The following PRKD2 variants were observed in gnomAD, a reference collection of about 807,000 sequenced individuals.
PRKD2 encodes protein kinase D2.
In PRKD2, 22 loss-of-function variants were observed where a neutral mutation model predicts 86.0. That is an observed-to-expected ratio of 0.26 (90% CI 0.18 to 0.37). The LOEUF is 0.37. PRKD2 is among the 10% of genes least tolerant of loss of function. The pLI is 1.00. For synonymous variants in PRKD2, 509 were observed against 510.9 expected (o/e 1.00, Z 0.05); for missense variants, 818 against 1,199.2 (o/e 0.68, Z 4.70).
chr19:46,676,992 TG>T (rs1173539022), intron 16 of PRKD2: 3 of 143,090 alleles, frequency 2.1e-5, no homozygotes, highest in Non-Finnish European at 4.5e-5. Context: ...ACCCAAGAGG[TG>T]GAGGTTGCAG....
At chr19:46,684,787 A>G (rs1166325977) in intron 14 of PRKD2, among the ~76,000 whole-genome samples, 1 of 151,186 alleles carries the variant, frequency 6.6e-6, no homozygotes, top group East Asian at 2.0e-4. Flanking sequence ...ACATGGTGAA[A>G]CCCCATCTCT....
intron 6 of PRKD2, 25 bp from the exon 7 acceptor site, chr19:46,700,977 G>T: frequency 6.2e-7 from 1 of 1,614,170 alleles, no homozygotes. Flanking sequence ...GCATCAGAGG[G>T]GTCTCCACCC....
Position 46,678,715 on chromosome 19 carries a change from C to A in PRKD2, c.2071-52G>T. 6.5e-7 allele frequency: 1 copy of A among 1,548,306 alleles called. No homozygotes were observed. The highest frequency in any genetic ancestry group is 8.7e-7 in the Non-Finnish European group (1 of 1,146,182). On this transcript the variant is annotated intron_variant, in intron 15 of 17. Transcript: ENST00000291281. This position sits in a 1 kb window ranked among gnomAD's most constrained non-coding sequence, Gnocchi z 5.7. ...CACCAGGTGATGGAGCCGCACCCACCCCAGCATCCCCACCACACCACCCTC... is the reference window on the plus strand; with the variant it reads ...CACCAGGTGATGGAGCCGCACCCACACCAGCATCCCCACCACACCACCCTC...
chr19:46,710,678 C>G, intron 3 of PRKD2: 1 of 528,404 alleles, frequency 1.9e-6, no homozygotes, highest in Non-Finnish European at 3.3e-6. Context: ...CCTCCCAGCT[C>G]CACCTCCTAG....
chr19:46,696,985 G>A (rs1417790625), intron 9 of PRKD2, among the ~76,000 whole-genome samples, 172 bp downstream of exon 9: 5 of 151,890 alleles, frequency 3.3e-5, no homozygotes, highest in Non-Finnish European at 5.9e-5. Context: ...AAAGTGGTGG[G>A]GCCAGAATCG....
chr19:46,704,431 G>A, intron 4 of PRKD2, 40 bp from the exon 5 acceptor site: 1 of 1,613,804 alleles, frequency 6.2e-7, no homozygotes, highest in Non-Finnish European at 8.5e-7. Context: ...TCAGTGCGTT[G>A]GCCCCATGCC....
chr19:46,697,371 C>G (rs2053575629), intron 8 of PRKD2, 137 bp from the exon 9 acceptor site: 1 of 642,218 alleles, frequency 1.6e-6, no homozygotes, highest in Admixed American at 2.9e-5. Flanking sequence ...CACGCCGTAA[C>G]CCCACCCCAC....
intron 14 of PRKD2, among the ~76,000 whole-genome samples, chr19:46,688,445 T>TTA (rs2053433128): frequency 6.7e-6 from 1 of 149,014 alleles, no homozygotes. Context: ...TATTATTATT[T>TTA]TTTTTTTTGA....
chr19:46,697,381 C>T, intron 8 of PRKD2, 147 bp from the exon 9 acceptor site: 2 of 625,400 alleles, frequency 3.2e-6, no homozygotes, highest in South Asian at 3.9e-5. Context: ...CCCCACCCCA[C>T]CACACGCCCT....
chr19:46,696,243 G>A (rs1300214145), intron 9 of PRKD2, among the ~76,000 whole-genome samples: 1 of 152,148 alleles, frequency 6.6e-6, no homozygotes, highest in Non-Finnish European at 1.5e-5. Flanking sequence ...AACAGCTGGA[G>A]TCCAGGTTTT....
At chr19:46,695,610 T>C (rs1224500430) in intron 9 of PRKD2, among the ~76,000 whole-genome samples, 1 of 152,162 alleles carries the variant, frequency 6.6e-6, no homozygotes, top group Non-Finnish European at 1.5e-5. Context: ...ATCATCCGCT[T>C]GTGTGCGGAG....
chr19:46,693,963 G>A lies in PRKD2; in HGVS notation c.1488C>T (p.Ala496=), dbSNP rs1281188799. The A allele has an allele frequency of 3.7e-6, 6 of 1,612,384 alleles. No homozygotes were observed. Among genetic ancestry groups the A allele is most frequent in the South Asian group, 1.1e-5 (1 of 91,076 alleles). The stretch of plus-strand genomic sequence containing the variant: ...GGATGGCTGTCTCCCAGCCCCGGGC[G>A]GCCTCAGCCCCCTGCCCACTTGGCC... The part of the protein sequence containing the change: ...PGGPSGQGAE[A]ARGWETAIRQ... Residue 496 remains alanine (A), a synonymous_variant, in exon 10 of 18, where the codon GCC becomes GCT. Coordinates refer to ENST00000291281, the MANE Select transcript of PRKD2 (RefSeq NM_016457.5). The surrounding 1 kb of genome is among the most constrained non-coding windows in gnomAD (Gnocchi z 4.5).
At chr19:46,689,790 G>A in intron 13 of PRKD2, 92 bp from the exon 14 acceptor site, 1 of 1,449,110 alleles carries the variant, frequency 6.9e-7, no homozygotes, top group Non-Finnish European at 9.5e-7. Context: ...GACAAACAAG[G>A]AGAAGGATGT....
chr19:46,681,593 C>T (rs1352488468), intron 15 of PRKD2, 57 bp downstream of exon 15: 1 of 747,532 alleles, frequency 1.3e-6, no homozygotes, highest in East Asian at 3.2e-5. Flanking sequence ...TCCCCACCCC[C>T]ACCCCGGCCA....
chr19:46,709,389 GT>G, intron 3 of PRKD2: 1 of 161,578 alleles, frequency 6.2e-6, no homozygotes. Flanking sequence ...TTGAGACAGA[GT>G]TTTGCTCTTG....
intron 15 of PRKD2, 67 bp downstream of exon 15, chr19:46,681,583 T>TGGG: frequency 3.0e-6 from 2 of 671,506 alleles, no homozygotes; most frequent in Non-Finnish European, 2.6e-6. Context: ...ATAATCCCCT[T>TGGG]CCCCACCCCC....
At chr19:46,708,334 T>TC (rs1491072729) in intron 3 of PRKD2, among the ~76,000 whole-genome samples, 1 of 117,572 alleles carries the variant, frequency 8.5e-6, no homozygotes, top group Non-Finnish European at 1.8e-5. Context: ...TTTTTTTTTT[T>TC]TCTGAGACAA....
Position 46,696,131 on chromosome 19 carries a change from G to A in PRKD2, c.1317+1026C>T, listed in dbSNP as rs140219403. Among the ~76,000 whole-genome samples the A allele has an allele frequency of 4.2e-3, 638 of 152,190 alleles. 6 individuals carry two copies. The highest frequency in any genetic ancestry group is 0.014 in the African/African-American group (586 of 41,516). On this transcript the variant is annotated intron_variant, in intron 9 of 17. Coordinates refer to ENST00000291281, the MANE Select transcript of PRKD2 (RefSeq NM_016457.5). ...TGGGATTACAGGCGTGAGCCACCAC[G>A]CCTGGCCAAGGACAGCATTTTAGAT...
intron 15 of PRKD2, among the ~76,000 whole-genome samples, chr19:46,680,946 ATTTTTT>A (rs1222612655): frequency 7.1e-4 from 34 of 48,186 alleles, no homozygotes; most frequent in African/African-American, 1.5e-3. Context: ...ATATATATAT[ATTTTTT>A]TTTTTTTTTT....
Sources: gnomAD v4.1 joint callset for allele counts (sites outside exome capture counted in the v4.1 genomes callset) on GRCh38, gnomAD v4.1.1 for gene constraint, Gnocchi (gnomAD v3.1) non-coding constraint, MANE v1.5 for transcripts, NCBI Gene and HGNC (gene_info 2026-07-23, HGNC 2026-07-21) for gene names.